The following FBXO42 variants were observed in gnomAD, a reference collection of about 807,000 sequenced individuals.
FBXO42 encodes the protein F-box only protein 42.
Under a neutral mutation model 71.7 loss-of-function variants are expected in FBXO42, and 12 were observed. That is an observed-to-expected ratio of 0.17 (90% confidence interval 0.11 to 0.27). The LOEUF is 0.27. Among genes scored for constraint, FBXO42 ranks in the 10% least tolerant of loss-of-function variants. FBXO42 has a pLI of 1.00. For missense variants in FBXO42, 707 were observed against 911.9 expected (o/e 0.78, Z 2.89); for synonymous variants, 325 against 327.5 (o/e 0.99, Z 0.08).
At chr1:16,255,952 G>A (rs2081638615) in intron 5 of FBXO42, 131 bp from the exon 6 acceptor site, 1 of 657,450 alleles carries the variant, frequency 1.5e-6, no homozygotes, top group African/African-American at 1.8e-5. Context: ...AATAAGTAGA[G>A]GATGGCATAA....
chr1:16,314,366 T>A (rs1364354041), intron 2 of FBXO42, among the ~76,000 whole-genome samples: 1 of 152,178 alleles, frequency 6.6e-6, no homozygotes, highest in East Asian at 1.9e-4. Context: ...TCAGAGACAA[T>A]CTGTAGCCTT....
At chr1:16,347,220 G>GA (rs1215941546) in intron 1 of FBXO42, among the ~76,000 whole-genome samples, 3 of 151,888 alleles carry the variant, frequency 2.0e-5, no homozygotes, top group Non-Finnish European at 4.4e-5. Context: ...TAAAAACTCA[G>GA]AAAAAAACTT....
intron 1 of FBXO42, among the ~76,000 whole-genome samples, chr1:16,331,481 G>A (rs2082500191): frequency 6.6e-6 from 1 of 150,620 alleles, no homozygotes; most frequent in African/African-American, 2.4e-5. Flanking sequence ...CCGGCTTGGT[G>A]CGGTGGCTCA....
At chr1:16,331,370 G>A (rs762540949) in intron 1 of FBXO42, among the ~76,000 whole-genome samples, 13 of 151,410 alleles carry the variant, frequency 8.6e-5, no homozygotes, top group Non-Finnish European at 1.3e-4. Flanking sequence ...AGCCGAGATC[G>A]TGCCACTGCA....
intron 3 of FBXO42, among the ~76,000 whole-genome samples, chr1:16,303,207 G>A (rs908339572): frequency 3.3e-5 from 5 of 152,142 alleles, no homozygotes; most frequent in African/African-American, 1.2e-4. Flanking sequence ...TGAAAGGCAG[G>A]CAGAATGAAA....
intron 2 of FBXO42, among the ~76,000 whole-genome samples, chr1:16,310,315 T>C (rs1449739762): frequency 6.6e-6 from 1 of 151,336 alleles, no homozygotes; most frequent in African/African-American, 2.4e-5. Flanking sequence ...GAGCTGAGAC[T>C]GCGCCACTGA....
chr1:16,271,258 GGTGTGTGTGTGT>G lies in FBXO42; in HGVS notation c.503-14511_503-14500del, dbSNP rs57827739. On this transcript the variant is annotated intron_variant, in intron 4 of 9. Transcript: ENST00000375592. ...TAACTACTGTGTGCGTGTGTGTGTTGGTGTGTGTGTGTGTGTGTGTGTGTGTGTGTGTGTGTG... is the reference window on the plus strand; with the variant it reads ...TAACTACTGTGTGCGTGTGTGTGTTGGTGTGTGTGTGTGTGTGTGTGTGTG... Among the ~76,000 whole-genome samples the G allele has an allele frequency of 6.8e-3, 941 of 137,488 alleles. 9 individuals are homozygous for G. Among genetic ancestry groups the G allele is most frequent in the African/African-American group, 0.022 (804 of 36,644 alleles). The allele number at this position is 137,488 out of a possible 152,430, so 90.2% of individuals were successfully genotyped here.
At chr1:16,283,468 T>C (rs1417696919) in intron 4 of FBXO42, among the ~76,000 whole-genome samples, 2 of 151,214 alleles carry the variant, frequency 1.3e-5, no homozygotes, top group Non-Finnish European at 1.5e-5. Context: ...TTACCTGGCA[T>C]TTATAGACTC....
Position 16,285,074 on chromosome 1 carries a change from T to C in FBXO42, c.502+9709A>G, listed in dbSNP as rs997763427. Among the ~76,000 whole-genome samples, 3 of 151,544 alleles carry C rather than the reference T, an allele frequency of 2.0e-5. No homozygotes were observed. In the Admixed American group the frequency reaches 2.0e-4, roughly 10 times the overall value. On this transcript the variant is annotated intron_variant, in intron 4 of 9. Coordinates refer to ENST00000375592, the MANE Select transcript of FBXO42 (RefSeq NM_018994.3). ...GGCAGGAGAACTGCTTGAACCTAGT[T>C]GGCGGAGGCTGCAGTGAGCCGAGAT...
chr1:16,302,383 G>C (rs547983692), intron 3 of FBXO42, among the ~76,000 whole-genome samples: 2 of 152,276 alleles, frequency 1.3e-5, no homozygotes, highest in East Asian at 3.9e-4. Flanking sequence ...AAAGGAAAGA[G>C]GTTTAACTGA....
intron 1 of FBXO42, among the ~76,000 whole-genome samples, chr1:16,348,526 A>G (rs1242059068): frequency 6.6e-6 from 1 of 150,514 alleles, no homozygotes; most frequent in Admixed American, 6.7e-5. Flanking sequence ...GTGAAATCCC[A>G]CCTCTACTAA....
chr1:16,351,125 A>G (rs2082699282), intron 1 of FBXO42, among the ~76,000 whole-genome samples: 1 of 152,216 alleles, frequency 6.6e-6, no homozygotes, highest in African/African-American at 2.4e-5. Flanking sequence ...ATCATTCTTA[A>G]GCAGAAGTAA....
chr1:16,280,621 C>T (rs2081952936), intron 4 of FBXO42, among the ~76,000 whole-genome samples: 1 of 152,070 alleles, frequency 6.6e-6, no homozygotes, highest in Non-Finnish European at 1.5e-5. Context: ...TCTCTCTGTT[C>T]TATTCTAAAA....
At chr1:16,285,565 C>A (rs1262631653) in intron 4 of FBXO42, among the ~76,000 whole-genome samples, 1 of 152,176 alleles carries the variant, frequency 6.6e-6, no homozygotes, top group Middle Eastern at 3.2e-3. Context: ...AGACACCATG[C>A]CCATCCTGTC....
chr1:16,344,444 A>C (rs1310631922), intron 1 of FBXO42, among the ~76,000 whole-genome samples: 1 of 148,264 alleles, frequency 6.7e-6, no homozygotes, highest in Non-Finnish European at 1.5e-5. Flanking sequence ...ACAGCTTCCC[A>C]AGTAGCTGAG....
chr1:16,296,480 T>C (rs2082131313), intron 3 of FBXO42, among the ~76,000 whole-genome samples: 1 of 150,964 alleles, frequency 6.6e-6, no homozygotes, highest in Admixed American at 6.6e-5. Flanking sequence ...CAAAACCCCG[T>C]CTCTACTAAA....
At chr1:16,261,067 T>C (rs2081706622) in intron 4 of FBXO42, among the ~76,000 whole-genome samples, 1 of 152,354 alleles carries the variant, frequency 6.6e-6, no homozygotes, top group South Asian at 2.1e-4. Context: ...ATACATTCCT[T>C]CTGAATAGTT....
chr1:16,265,070 G>A (rs767146129), intron 4 of FBXO42, among the ~76,000 whole-genome samples: 1 of 152,186 alleles, frequency 6.6e-6, no homozygotes, highest in Non-Finnish European at 1.5e-5. Context: ...GGGGATGCCT[G>A]TATTTTATGC....
At position 16,260,633 on chromosome 1, in the gene FBXO42, C is replaced by T. The variant is rs76393309; in HGVS notation, c.503-3874G>A. On this transcript the variant is annotated intron_variant, in intron 4 of 9. Transcript: ENST00000375592. ...GGGCACAACTCTTTAAATAACTTGT[C>T]CAAGGTCGTAGAACTAATAAGTGAA... Among the ~76,000 whole-genome samples the T allele has an allele frequency of 5.6e-3, 859 of 152,218 alleles. 11 individuals are homozygous for T. Among genetic ancestry groups the T allele is most frequent in the Admixed American group, 8.8e-3 (135 of 15,288 alleles).
Sources: allele counts gnomAD v4.1 joint callset (sites outside exome capture counted in the v4.1 genomes callset), GRCh38; gene constraint gnomAD v4.1.1; transcripts MANE v1.5; gene names NCBI Gene and HGNC (gene_info 2026-07-23, HGNC 2026-07-21).